KALRN: variants seen among roughly 807,000 people sequenced by gnomAD.
KALRN encodes the protein kalirin RhoGEF kinase.
Under a neutral mutation model 353.7 loss-of-function variants are expected in KALRN, and 70 were observed. That is an observed-to-expected ratio of 0.20 (90% CI 0.16 to 0.24). The LOEUF is 0.24. Among genes scored for constraint, KALRN ranks in the 10% least tolerant of loss-of-function variants. The pLI, the probability that KALRN is intolerant of heterozygous loss-of-function variation, is 1.00. For synonymous variants in KALRN, 1,391 were observed against 1,434.8 expected, an observed-to-expected ratio of 0.97 and a Z score of 0.69; for missense variants, 2,791 against 3,756.7, an observed-to-expected ratio of 0.74 and a Z score of 6.72.
chr3:124,617,187 A>C (rs1270756101), intron 34 of KALRN, among the ~76,000 whole-genome samples: 1 of 152,024 alleles, frequency 6.6e-6, no homozygotes, highest in Non-Finnish European at 1.5e-5. Flanking sequence ...TAAAAAAATT[A>C]GCTGGGCATG....
intron 23 of KALRN, among the ~76,000 whole-genome samples, chr3:124,457,871 C>T (rs1292162271): frequency 6.6e-6 from 1 of 152,134 alleles, no homozygotes; most frequent in Non-Finnish European, 1.5e-5. Flanking sequence ...ATCGTTTGTC[C>T]TCATCTAAGT....
chr3:124,448,231 C>T (rs1275997037), intron 21 of KALRN, among the ~76,000 whole-genome samples: 1 of 152,094 alleles, frequency 6.6e-6, no homozygotes, highest in African/African-American at 2.4e-5. Flanking sequence ...CTTTTTCATT[C>T]ACATAGCTAC....
At chr3:124,593,630 C>T (rs2076012592) in intron 34 of KALRN, among the ~76,000 whole-genome samples, 1 of 152,180 alleles carries the variant, frequency 6.6e-6, no homozygotes. Flanking sequence ...GCAAAACATT[C>T]CATAATGGAA....
intron 32 of KALRN, among the ~76,000 whole-genome samples, chr3:124,495,054 G>C (rs1005118628): frequency 1.3e-4 from 20 of 152,108 alleles, no homozygotes; most frequent in African/African-American, 4.8e-4. Flanking sequence ...TGTGGGCTTG[G>C]TACAGGATGG....
chr3:124,644,093 A>G (rs553448286), intron 37 of KALRN, among the ~76,000 whole-genome samples: 1 of 152,192 alleles, frequency 6.6e-6, no homozygotes, highest in Non-Finnish European at 1.5e-5. Context: ...CAGATTTGCT[A>G]CTTTGTATCC....
chr3:124,560,130 T>C (rs1349354605), intron 33 of KALRN, among the ~76,000 whole-genome samples: 1 of 152,224 alleles, frequency 6.6e-6, no homozygotes, highest in Non-Finnish European at 1.5e-5. Flanking sequence ...ATGGGTCTGA[T>C]TGTAACCCAC....
intron 25 of KALRN, 142 bp from the exon 26 acceptor site, chr3:124,474,521 T>G: frequency 1.5e-6 from 1 of 649,424 alleles, no homozygotes; most frequent in Non-Finnish European, 2.8e-6. Flanking sequence ...CATTAAAAAC[T>G]GCACCTCACC....
chr3:124,234,920 G>A lies in KALRN; in HGVS notation c.240G>A (p.Val80=). The change falls in exon 3 of 60, where the codon GTG becomes GTA. Residue 80 remains valine, a synonymous_variant. Coordinates refer to ENST00000682506, the MANE Select transcript of KALRN (RefSeq NM_001388419.1). ...RIRQEDLRKL[V]TYLASVPSED... is the part of the protein sequence containing the mutation. ...GACAGGAAGACCTGCGGAAACTCGTGACGTATTTGGCCAGCGTGCCAAGGT... is the reference window on the plus strand; with the variant it reads ...GACAGGAAGACCTGCGGAAACTCGTAACGTATTTGGCCAGCGTGCCAAGGT... The A allele has an allele frequency of 1.9e-6, 3 of 1,605,090 alleles. No homozygotes were observed. Among genetic ancestry groups the A allele is most frequent in the South Asian group, 2.2e-5 (2 of 89,326 alleles).
chr3:124,179,410 A>G (rs2073249720), intron 1 of KALRN, among the ~76,000 whole-genome samples: 1 of 152,230 alleles, frequency 6.6e-6, no homozygotes, highest in Non-Finnish European at 1.5e-5. Context: ...TTCAGGGGCA[A>G]TAACACACAT....
chr3:124,109,430 C>A (rs2062627838), intron 1 of KALRN, among the ~76,000 whole-genome samples: 1 of 151,936 alleles, frequency 6.6e-6, no homozygotes, highest in Non-Finnish European at 1.5e-5. Context: ...GCTAAAATCC[C>A]TTCCCTATTT....
In KALRN at chr3:124,243,601, C is replaced by T. The variant is rs1053283145; in HGVS notation, c.263+8658C>T. 3.9e-5 allele frequency among the ~76,000 whole-genome samples: 6 copies of T among 152,176 alleles called. No homozygotes were observed. The East Asian group carries it at 1.2e-3, about 29-fold the overall frequency. On this transcript the variant is annotated intron_variant, in intron 3 of 59. Coordinates refer to ENST00000682506, the MANE Select transcript of KALRN (RefSeq NM_001388419.1). ...AAGGGGCTTTGGGCATCAGCATTGA[C>T]TTGGTGGGAGTGGAACAATAGCAGA...
At chr3:124,716,112 C>T (rs2063121416) in intron 58 of KALRN, among the ~76,000 whole-genome samples, 1 of 152,160 alleles carries the variant, frequency 6.6e-6, no homozygotes, top group Non-Finnish European at 1.5e-5. Flanking sequence ...TGCTCCCAGC[C>T]TTCAGCAGGT....
At chr3:124,187,508 C>T (rs2074376484) in intron 1 of KALRN, among the ~76,000 whole-genome samples, 1 of 152,188 alleles carries the variant, frequency 6.6e-6, no homozygotes, top group Non-Finnish European at 1.5e-5. Flanking sequence ...GTCCCTAAGC[C>T]TCTGGTATGA....
intron 34 of KALRN, among the ~76,000 whole-genome samples, chr3:124,617,514 A>G (rs991822470): frequency 2.6e-5 from 4 of 152,240 alleles, no homozygotes; most frequent in African/African-American, 9.6e-5. Flanking sequence ...AGTCCTTGGT[A>G]AGCTTCAGAA....
intron 1 of KALRN, among the ~76,000 whole-genome samples, chr3:124,128,311 A>G (rs576301232): frequency 6.6e-6 from 1 of 152,240 alleles, no homozygotes. Flanking sequence ...AACCAGTGTT[A>G]TGCTTGTTTG....
chr3:124,694,456 C>T lies in KALRN; in HGVS notation c.7530C>T (p.Asn2510=), dbSNP rs754646887. The change falls in exon 53 of 60, where the codon AAC becomes AAT. Residue 2510 remains asparagine (N), a synonymous_variant. Transcript: ENST00000682506. ...PTITWKGPDQ[N]ILDTDNSSAT... The stretch of plus-strand genomic sequence containing the variant: ...TCACTTGGAAGGGTCCAGACCAGAA[C>T]ATCCTTGACACTGATAACAGCTCAG... 122 of 1,614,076 alleles carry T rather than the reference C, an allele frequency of 7.6e-5. No homozygotes were observed. The highest frequency in any genetic ancestry group is 1.6e-4 in the Middle Eastern group (1 of 6,084).
At chr3:124,613,337 G>T (rs2078213880) in intron 34 of KALRN, among the ~76,000 whole-genome samples, 1 of 152,146 alleles carries the variant, frequency 6.6e-6, no homozygotes, top group Non-Finnish European at 1.5e-5. Flanking sequence ...TCTGAGCTTT[G>T]ACTCTTGCCC....
chr3:124,627,504 A>C (rs146015376), intron 34 of KALRN, among the ~76,000 whole-genome samples: 7 of 152,322 alleles, frequency 4.6e-5, no homozygotes, highest in African/African-American at 1.4e-4. Context: ...ATGGAACAGA[A>C]ATCTTAGGCA....
At chr3:124,104,592 T>C (rs998625114) in intron 1 of KALRN, among the ~76,000 whole-genome samples, 1 of 152,136 alleles carries the variant, frequency 6.6e-6, no homozygotes, top group African/African-American at 2.4e-5. Flanking sequence ...GGCAAATGGT[T>C]CCAGAGTTGT....
Sources: gnomAD v4.1 joint callset for allele counts (sites outside exome capture counted in the v4.1 genomes callset) on GRCh38, gnomAD v4.1.1 for gene constraint, MANE v1.5 for transcripts, NCBI Gene and HGNC (gene_info 2026-07-23, HGNC 2026-07-21) for gene names.